The following EIF4A2 variants were observed in gnomAD, a reference collection of about 807,000 sequenced individuals.
EIF4A2 encodes the protein eukaryotic translation initiation factor 4A2.
A neutral mutation model predicts 50.6 loss-of-function variants in EIF4A2; 9 were observed. The observed-to-expected ratio is 0.18, with a 90% CI of 0.11 to 0.31. The LOEUF (loss-of-function observed/expected upper bound fraction) is 0.31. Among genes scored for constraint, EIF4A2 ranks in the 10% least tolerant of loss-of-function variants. The probability of loss-of-function intolerance (pLI) is 1.00; values close to 1 mark genes in which losing one functional copy is unlikely to be tolerated. For missense variants in EIF4A2, 182 were observed against 501.8 expected, an observed-to-expected ratio of 0.36 and a Z score of 6.09; for synonymous variants, 215 against 164.4, an observed-to-expected ratio of 1.31 and a Z score of -2.35.
intron 7 of EIF4A2, chr3:186,786,918 T>TGGCTA (rs1304583171): frequency 1.0e-5 from 9 of 868,294 alleles, no homozygotes; most frequent in African/African-American, 1.7e-5. Flanking sequence ...GTTATGAGAC[T>TGGCTA]GGCTAAGACT....
intron 6 of EIF4A2, 90 bp from the exon 7 acceptor site, chr3:186,786,412 C>T (rs1047513519): frequency 1.3e-6 from 2 of 1,549,162 alleles, no homozygotes; most frequent in Non-Finnish European, 1.7e-6. Flanking sequence ...TACCTTCATT[C>T]CGTAGTAAGA....
chr3:186,789,460 C>CTA lies in EIF4A2; in HGVS notation c.*192_*193insAT. On this transcript the variant is annotated 3_prime_UTR_variant, in exon 11 of 11. Transcript: ENST00000323963. ...TGAGGAAAGTCATTGGCTTTATCCT[C>CTA]TTTAGAGTTAGACTGTTGGGGTGGG... is the stretch of plus-strand genomic sequence containing the variant. 1.5e-6 allele frequency: 1 copy of CTA among 668,992 alleles called. No individual in the cohort carries two copies. Among genetic ancestry groups the CTA allele is most frequent in the Non-Finnish European group, 2.3e-6 (1 of 440,044 alleles). 41.4% of individuals were successfully genotyped at this position (668,992 alleles called of 1,614,324 possible). A position where few individuals can be genotyped will look rare whatever the true frequency, so the allele number is the denominator to read the frequency against.
chr3:186,784,810 C>T, intron 3 of EIF4A2, 114 bp downstream of exon 3: 1 of 1,598,712 alleles, frequency 6.3e-7, no homozygotes, highest in South Asian at 1.1e-5. Flanking sequence ...GAAATGATGG[C>T]AATCATCTTT....
chr3:186,783,604 T>C lies in EIF4A2; in HGVS notation c.-7T>C, dbSNP rs756552843. On this transcript the variant is annotated 5_prime_UTR_variant, in exon 1 of 11. Coordinates refer to ENST00000323963, the MANE Select transcript of EIF4A2 (RefSeq NM_001967.4). ...TTTCAGTCGGGCGCTGAGTGGTTTTTCGGATCATGTCTGGTGGCTCCGCGG... is the reference window on the plus strand; with the variant it reads ...TTTCAGTCGGGCGCTGAGTGGTTTTCCGGATCATGTCTGGTGGCTCCGCGG... The C allele has an allele frequency of 1.9e-5, 30 of 1,614,006 alleles. No individual in the cohort carries two copies. Among genetic ancestry groups the C allele is most frequent in the Middle Eastern group, 1.6e-4 (1 of 6,084 alleles).
chr3:186,788,127 C>T (rs1217310908), intron 10 of EIF4A2: 14 of 656,680 alleles, frequency 2.1e-5, no homozygotes, highest in Admixed American at 3.2e-5. Context: ...TATGCTTGAG[C>T]TTTTAGTGAT....
chr3:186,785,288 T>C (rs1579158004), intron 4 of EIF4A2, 187 bp downstream of exon 4: 1 of 767,520 alleles, frequency 1.3e-6, no homozygotes. Flanking sequence ...GTTTGTAGGG[T>C]TGTATACTAA....
chr3:186,786,267 T>C lies in EIF4A2; in HGVS notation c.621T>C (p.Ser207=). The stretch of plus-strand genomic sequence containing the variant: ...AGATTTTCCAAAAACTAAACACAAG[T>C]ATTCAGGTAAGCATTACTTCACCCC... The part of the protein sequence containing the change: ...IYEIFQKLNT[S]IQVVLLSATM... Residue 207 remains serine (S), a synonymous_variant, in exon 6 of 11, where the codon AGT becomes AGC. Transcript: ENST00000323963. 6 of 1,612,952 alleles carry C rather than the reference T, an allele frequency of 3.7e-6. No individual in the cohort carries two copies. Among genetic ancestry groups the C allele is most frequent in the Middle Eastern group, 3.3e-4 (2 of 5,976 alleles).
intron 10 of EIF4A2, chr3:186,788,145 T>C (rs1318410367): frequency 1.6e-5 from 11 of 667,904 alleles, no homozygotes; most frequent in Non-Finnish European, 2.4e-5. Context: ...GATGTTCTTG[T>C]GTCCATGTGT....
At position 186,783,585 on chromosome 3, in the gene EIF4A2, T is replaced by TCGGGCG; in HGVS notation, c.-24_-19dup. On this transcript the variant is annotated 5_prime_UTR_variant, in exon 1 of 11. Coordinates refer to ENST00000323963, the MANE Select transcript of EIF4A2 (RefSeq NM_001967.4). ...TGGTTGGGCGCCGCTGTCTTTTCAG[T>TCGGGCG]CGGGCGCTGAGTGGTTTTTCGGATC... 1 of 1,614,144 alleles carries TCGGGCG rather than the reference T, an allele frequency of 6.2e-7. No homozygotes were observed. The highest frequency in any genetic ancestry group is 1.1e-5 in the South Asian group (1 of 91,082).
chr3:186,787,956 C>T lies in EIF4A2; in HGVS notation c.1079+74C>T, dbSNP rs56403627. On this transcript the variant is annotated intron_variant, in intron 10 of 10. Transcript: ENST00000323963. Reference sequence around the variant, plus strand: ...CTACTGTGATTTGTATGAAAGGTAACATCAAATCAAGGAATAGATTCAGTA... The same window carrying T: ...CTACTGTGATTTGTATGAAAGGTAATATCAAATCAAGGAATAGATTCAGTA... 2,710 of 1,464,464 alleles carry T rather than the reference C, an allele frequency of 1.9e-3. 55 individuals carry two copies. The African/African-American group carries it at 0.033, about 18-fold the overall frequency. The allele number at this position is 1,464,464 out of a possible 1,614,324, so 90.7% of individuals were successfully genotyped here.
At chr3:186,788,333 CGA>C (rs1560086912) in intron 10 of EIF4A2, 2 of 1,289,834 alleles carry the variant, frequency 1.6e-6, no homozygotes, top group Non-Finnish European at 1.0e-6. Flanking sequence ...CAGTTGGTGA[CGA>C]GATGGCACTC....
rs768158690 is a variant in EIF4A2 at position 186,786,811 on chromosome 3, T to TAA, written c.771+167_771+168dup. 3 of 977,406 alleles carry TAA rather than the reference T, an allele frequency of 3.1e-6. No individual in the cohort carries two copies. The South Asian group carries it at 3.9e-5, about 13-fold the overall frequency. The allele number at this position is 977,406 out of a possible 1,614,324, so 60.5% of individuals were successfully genotyped here. ...TAAAGACTGGGGTGGACCTCTTTCT[T>TAA]AATGTCCAATGTCCTTTGTCTTAAG... On this transcript the variant is annotated intron_variant, in intron 7 of 10. Transcript: ENST00000323963.
chr3:186,784,399 A>G, intron 1 of EIF4A2, 33 bp from the exon 2 acceptor site: 1 of 1,614,164 alleles, frequency 6.2e-7, no homozygotes. Context: ...GTGGCCTGGA[A>G]GGGGTGTCTG....
In EIF4A2 at chr3:186,785,023, C is replaced by T; in HGVS notation, c.270C>T (p.Ser90=). 1 of 1,614,206 alleles carries T rather than the reference C, an allele frequency of 6.2e-7. No individual in the cohort carries two copies. The highest frequency in any genetic ancestry group is 8.5e-7 in the Non-Finnish European group (1 of 1,180,052). Residue 90 remains serine (S), a synonymous_variant, in exon 4 of 11, where the codon TCC becomes TCT. Transcript: ENST00000323963. ...GCAAGACAGCCACATTTGCTATTTC[C>T]ATCCTGCAACAGTTGGAGATTGAGT... is the stretch of plus-strand genomic sequence containing the variant. The part of the protein sequence containing the change: ...GTGKTATFAI[S]ILQQLEIEFK...
chr3:186,789,096 G>C (rs1024504469), intron 10 of EIF4A2, 29 bp from the exon 11 acceptor site: 5 of 1,608,054 alleles, frequency 3.1e-6, no homozygotes, highest in African/African-American at 2.7e-5. Flanking sequence ...TATGTGAGAA[G>C]TAACGTTCTG....
intron 10 of EIF4A2, 29 bp from the exon 11 acceptor site, chr3:186,789,096 G>A (rs1024504469): frequency 2.5e-6 from 4 of 1,608,054 alleles, no homozygotes; most frequent in Non-Finnish European, 3.4e-6. Flanking sequence ...TATGTGAGAA[G>A]TAACGTTCTG....
chr3:186,784,924 GATGTGGGATCGGTAA>G, intron 3 of EIF4A2, 23 bp from the exon 4 acceptor site: 1 of 1,613,988 alleles, frequency 6.2e-7, no homozygotes, highest in Non-Finnish European at 8.5e-7. Context: ...GTGACAATTT[GATGTGGGATCGGTAA>G]ATGTGTATCC....
intron 4 of EIF4A2, chr3:186,785,392 A>G: frequency 2.3e-6 from 1 of 440,160 alleles, no homozygotes; most frequent in Admixed American, 4.0e-5. Flanking sequence ...AACTGCAGTG[A>G]CATGTTACCA....
chr3:186,784,047 C>G (rs892841086), intron 1 of EIF4A2: 23 of 423,994 alleles, frequency 5.4e-5, no homozygotes, highest in Non-Finnish European at 9.4e-5. Context: ...AGGCAGCGGT[C>G]TCCACTCGGC....
Sources: allele counts gnomAD v4.1 joint callset, GRCh38; gene constraint gnomAD v4.1.1; transcripts MANE v1.5; gene names NCBI Gene and HGNC (gene_info 2026-07-23, HGNC 2026-07-21).